IL23R: variants seen among roughly 807,000 people sequenced by gnomAD.
IL23R encodes the protein interleukin-23 receptor.
In IL23R, 34 loss-of-function variants were observed where a neutral mutation model predicts 56.9. The ratio of observed to expected loss-of-function variants is 0.60; its 90% CI spans 0.45 to 0.80. The LOEUF (loss-of-function observed/expected upper bound fraction) is 0.80. IL23R is among the 30% of genes least tolerant of loss of function. The probability of loss-of-function intolerance (pLI) is 0.00; values close to 1 mark genes in which losing one functional copy is unlikely to be tolerated. For synonymous variants in IL23R, 230 were observed against 249.2 expected, an observed-to-expected ratio of 0.92 and a Z score of 0.73; for missense variants, 635 against 730.0, an observed-to-expected ratio of 0.87 and a Z score of 1.50.
chr1:67,148,185 G>T, intron 1 of IL23R, among the ~76,000 whole-genome samples: 1 of 152,260 alleles, frequency 6.6e-6, no homozygotes, highest in East Asian at 1.9e-4. Flanking sequence ...TGTACACCCT[G>T]CCGGATCCAG....
intron 3 of IL23R, among the ~76,000 whole-genome samples, chr1:67,171,160 G>C (rs1646938765): frequency 6.6e-6 from 1 of 152,026 alleles, no homozygotes; most frequent in Non-Finnish European, 1.5e-5. Context: ...GTGGGAGTTG[G>C]GTAGAGAGAC....
chr1:67,193,941 G>A (rs751477403), intron 4 of IL23R, among the ~76,000 whole-genome samples: 6 of 152,124 alleles, frequency 3.9e-5, no homozygotes, highest in Non-Finnish European at 5.9e-5. Flanking sequence ...TTGACCAACC[G>A]GCTAAAAATT....
chr1:67,250,993 A>T (rs1652569177), intron 9 of IL23R, among the ~76,000 whole-genome samples: 1 of 152,176 alleles, frequency 6.6e-6, no homozygotes, highest in Admixed American at 6.5e-5. Context: ...CCAAAACAGG[A>T]TCAGTGGCAC....
chr1:67,200,825 G>A lies in IL23R; in HGVS notation c.580G>A (p.Val194Ile). Residue 194 changes from valine (V) to isoleucine (I), a missense_variant, in exon 5 of 11, where the codon GTT (valine) becomes ATT (isoleucine). Val to Ile is a conservative substitution (Grantham distance 29). Transcript: ENST00000347310. Reference protein sequence around the residue: ...DSLQGGKKYLVWVQAANALGM... With the variant: ...DSLQGGKKYLIWVQAANALGM... Reference sequence around the variant, plus strand: ...ATTACAAGGTGGCAAGAAGTACTTGGTTTGGGTCCAAGCAGCAAACGCACT... The same window carrying A: ...ATTACAAGGTGGCAAGAAGTACTTGATTTGGGTCCAAGCAGCAAACGCACT... 6.2e-7 allele frequency: 1 copy of A among 1,614,086 alleles called. No homozygotes were observed. The highest frequency in any genetic ancestry group is 8.5e-7 in the Non-Finnish European group (1 of 1,180,014).
downstream of IL23R, among the ~76,000 whole-genome samples, chr1:67,262,533 A>G (rs1268062236): frequency 2.0e-5 from 3 of 152,158 alleles, no homozygotes; most frequent in African/African-American, 7.2e-5. Flanking sequence ...ATCCTTCTAT[A>G]GAGAAAGCCT....
upstream of IL23R, among the ~76,000 whole-genome samples, chr1:67,163,468 C>CAAAAAAAAAAAA (rs57495148): frequency 6.0e-5 from 3 of 49,606 alleles, no homozygotes; most frequent in South Asian, 1.2e-3. Flanking sequence ...GACCCTGTCT[C>CAAAAAAAAAAAA]AAAAAAAAAA....
At chr1:67,194,386 A>G (rs1339426487) in intron 4 of IL23R, among the ~76,000 whole-genome samples, 1 of 152,186 alleles carries the variant, frequency 6.6e-6, no homozygotes, top group African/African-American at 2.4e-5. Context: ...GCCCCCAGCC[A>G]TCAGCCATCT....
chr1:67,195,419 T>C (rs1035525036), intron 4 of IL23R, among the ~76,000 whole-genome samples: 2 of 152,222 alleles, frequency 1.3e-5, no homozygotes, highest in African/African-American at 4.8e-5. Flanking sequence ...TCTTATTTAA[T>C]TTACTCATGA....
intron 3 of IL23R, among the ~76,000 whole-genome samples, chr1:67,177,158 G>C (rs1647021998): frequency 6.6e-6 from 1 of 152,130 alleles, no homozygotes; most frequent in Admixed American, 6.5e-5. Flanking sequence ...CAGTCAAATG[G>C]TATTTCTAGT....
intron 6 of IL23R, 183 bp downstream of exon 6, chr1:67,207,238 TG>T (rs1649137191): frequency 1.4e-6 from 1 of 714,092 alleles, no homozygotes; most frequent in Admixed American, 2.1e-5. Flanking sequence ...CGGGGGCACA[TG>T]TGCAGGTTTG....
intron 8 of IL23R, 42 bp from the exon 9 acceptor site, chr1:67,240,137 G>A (rs752124826): frequency 4.6e-6 from 6 of 1,290,916 alleles, no homozygotes; most frequent in South Asian, 1.2e-5. Context: ...ATCAAATGAA[G>A]ACTAATGCTT....
chr1:67,225,997 G>T (rs192446320), intron 7 of IL23R, among the ~76,000 whole-genome samples: 84 of 152,346 alleles, frequency 5.5e-4, no homozygotes, highest in African/African-American at 1.7e-3. Flanking sequence ...GGATATGATT[G>T]CCCAAGCCAT....
At chr1:67,139,416 G>A (rs894145298) in intron 1 of IL23R, among the ~76,000 whole-genome samples, 1 of 152,092 alleles carries the variant, frequency 6.6e-6, no homozygotes, top group Non-Finnish European at 1.5e-5. Flanking sequence ...CACTCTCCCT[G>A]TCACCACACA....
chr1:67,182,951 T>C lies in IL23R; in HGVS notation c.483T>C (p.His161=), dbSNP rs1406429841. The C allele has an allele frequency of 6.2e-7, 1 of 1,614,016 alleles. No individual in the cohort carries two copies. The highest frequency in any genetic ancestry group is 8.5e-7 in the Non-Finnish European group (1 of 1,179,904). The part of the protein sequence containing the change: ...LTYIDTKYVV[H]VKSLETEEEQ... ...ACATAGACACAAAATACGTGGTACATGTGAAGAGGTAGGTCACTTCCTCAC... is the reference window on the plus strand; with the variant it reads ...ACATAGACACAAAATACGTGGTACACGTGAAGAGGTAGGTCACTTCCTCAC... The change falls in exon 4 of 11, where the codon CAT becomes CAC. Residue 161 remains histidine, a synonymous_variant. Coordinates refer to ENST00000347310, the MANE Select transcript of IL23R (RefSeq NM_144701.3).
At chr1:67,151,817 T>C (rs1307264657) in intron 1 of IL23R, among the ~76,000 whole-genome samples, 2 of 152,146 alleles carry the variant, frequency 1.3e-5, no homozygotes, top group Non-Finnish European at 2.9e-5. Context: ...TGTATGTCTA[T>C]ATGTCTACTG....
At chr1:67,202,785 A>G (rs1040711655) in intron 5 of IL23R, among the ~76,000 whole-genome samples, 1 of 151,940 alleles carries the variant, frequency 6.6e-6, no homozygotes, top group Non-Finnish European at 1.5e-5. Flanking sequence ...TTGTTGCCCA[A>G]ACTTGTCTCG....
At chr1:67,173,113 C>CT (rs1646963833) in intron 3 of IL23R, among the ~76,000 whole-genome samples, 1 of 152,024 alleles carries the variant, frequency 6.6e-6, no homozygotes, top group Admixed American at 6.6e-5. Context: ...CATAAGCCCC[C>CT]TTTTGTATAC....
At chr1:67,193,678 A>C (rs951544598) in intron 4 of IL23R, among the ~76,000 whole-genome samples, 1 of 152,256 alleles carries the variant, frequency 6.6e-6, no homozygotes, top group Non-Finnish European at 1.5e-5. Context: ...AGTTATGTAA[A>C]AGATAGAGGA....
At chr1:67,169,207 T>C in intron 2 of IL23R, 135 bp from the exon 3 acceptor site, 1 of 590,368 alleles carries the variant, frequency 1.7e-6, no homozygotes, top group South Asian at 2.0e-5. Context: ...AAAAGATACA[T>C]CTAGTCCTAA....
Sources: allele counts gnomAD v4.1 joint callset (sites outside exome capture counted in the v4.1 genomes callset), GRCh38; gene constraint gnomAD v4.1.1; transcripts MANE v1.5; gene names NCBI Gene and HGNC (gene_info 2026-07-23, HGNC 2026-07-21).